Variants in FOCAD observed in about 807,000 individuals in gnomAD.
FOCAD encodes KIAA1797.
A neutral mutation model predicts 225.6 loss-of-function variants in FOCAD; 198 were observed. The observed-to-expected ratio is 0.88, with a 90% confidence interval of 0.78 to 0.99. FOCAD has a LOEUF of 0.99. Ranked by LOEUF, FOCAD falls within the 50% of genes least tolerant of loss-of-function variation. The probability of loss-of-function intolerance (pLI) is 0.00; values close to 1 mark genes in which losing one functional copy is unlikely to be tolerated. For missense variants in FOCAD, 2,713 were observed against 2,123.6 expected, an observed-to-expected ratio of 1.28 and a Z score of -5.46; for synonymous variants, 897 against 755.0, an observed-to-expected ratio of 1.19 and a Z score of -3.08.
At chr9:20,965,385 G>T (rs1839167068) in intron 35 of FOCAD, among the ~76,000 whole-genome samples, 1 of 152,112 alleles carries the variant, frequency 6.6e-6, no homozygotes, top group Non-Finnish European at 1.5e-5. Flanking sequence ...TTGTTTTTGG[G>T]AGTATCGAGA....
intron 15 of FOCAD, among the ~76,000 whole-genome samples, chr9:20,832,786 C>T (rs542864416): frequency 5.3e-5 from 8 of 151,928 alleles, no homozygotes; most frequent in Admixed American, 1.3e-4. Flanking sequence ...ATGACAGGAC[C>T]TCCATTTTTA....
At chr9:20,664,770 T>G (rs1821846715) in intron 2 of FOCAD, among the ~76,000 whole-genome samples, 1 of 151,996 alleles carries the variant, frequency 6.6e-6, no homozygotes, top group Admixed American at 6.6e-5. Context: ...TGAGCCATTG[T>G]GCCCGGCCCA....
At chr9:20,788,244 A>T (rs1405012952) in intron 10 of FOCAD, among the ~76,000 whole-genome samples, 2 of 152,206 alleles carry the variant, frequency 1.3e-5, no homozygotes, top group Non-Finnish European at 1.5e-5. Flanking sequence ...TTCCTATTAT[A>T]TGAAATGACC....
At chr9:20,685,863 G>C (rs1822634460) in intron 1 of FOCAD, among the ~76,000 whole-genome samples, 1 of 152,158 alleles carries the variant, frequency 6.6e-6, no homozygotes. Context: ...AGGAGGAGCT[G>C]GAGGAGGCGG....
At chr9:20,906,155 C>T (rs1267903811) in intron 21 of FOCAD, among the ~76,000 whole-genome samples, 1 of 151,908 alleles carries the variant, frequency 6.6e-6, no homozygotes, top group Non-Finnish European at 1.5e-5. Flanking sequence ...GATTAAAGAA[C>T]ATACTAGAGG....
intron 1 of FOCAD, among the ~76,000 whole-genome samples, chr9:20,704,255 G>A (rs1269658503): frequency 1.3e-5 from 2 of 152,136 alleles, no homozygotes; most frequent in Non-Finnish European, 2.9e-5. Flanking sequence ...TTTCGTGTAT[G>A]CACATTGACT....
chr9:20,835,275 A>T (rs537268040), intron 15 of FOCAD, among the ~76,000 whole-genome samples: 1 of 152,034 alleles, frequency 6.6e-6, no homozygotes, highest in Non-Finnish European at 1.5e-5. Flanking sequence ...ATAATCTTGT[A>T]ATGTAGGTGA....
At chr9:20,750,523 A>G (rs1386979997) in intron 5 of FOCAD, among the ~76,000 whole-genome samples, 1 of 152,186 alleles carries the variant, frequency 6.6e-6, no homozygotes, top group Non-Finnish European at 1.5e-5. Flanking sequence ...GAAAAACAAC[A>G]ACAAAAAATG....
At chr9:20,750,404 T>C (rs183877173) in intron 5 of FOCAD, among the ~76,000 whole-genome samples, 1 of 152,332 alleles carries the variant, frequency 6.6e-6, no homozygotes, top group Admixed American at 6.5e-5. Flanking sequence ...TTCTTCTATT[T>C]GCTAGATATT....
intron 1 of FOCAD, among the ~76,000 whole-genome samples, chr9:20,700,450 A>T (rs916103998): frequency 6.6e-6 from 1 of 151,822 alleles, no homozygotes; most frequent in African/African-American, 2.4e-5. Context: ...ATGAAATTTT[A>T]CTGGTGTAGA....
chr9:20,693,166 A>ACT (rs982063572), intron 1 of FOCAD, among the ~76,000 whole-genome samples: 10 of 151,122 alleles, frequency 6.6e-5, no homozygotes, highest in South Asian at 2.1e-4. Context: ...ATTTACAGCC[A>ACT]CTCTCTCTCT....
At chr9:20,825,538 G>A (rs529350324) in intron 15 of FOCAD, among the ~76,000 whole-genome samples, 2 of 151,934 alleles carry the variant, frequency 1.3e-5, no homozygotes, top group Non-Finnish European at 2.9e-5. Context: ...GCCTAATTTG[G>A]TAAAATAAAA....
intron 11 of FOCAD, among the ~76,000 whole-genome samples, chr9:20,807,623 A>T (rs186082872): frequency 3.3e-5 from 5 of 152,360 alleles, no homozygotes; most frequent in African/African-American, 1.2e-4. Context: ...CACCCACTGT[A>T]CATCTTGATT....
At chr9:20,950,971 T>G (rs1837631082) in intron 33 of FOCAD, 25 bp from the exon 34 acceptor site, 20 of 1,584,394 alleles carry the variant, frequency 1.3e-5, no homozygotes, top group Non-Finnish European at 1.6e-5. Flanking sequence ...ATCCCATCAT[T>G]GAACTGTTAC....
chr9:20,821,272 G>T (rs1404391708), intron 14 of FOCAD, among the ~76,000 whole-genome samples: 1 of 152,002 alleles, frequency 6.6e-6, no homozygotes, highest in Non-Finnish European at 1.5e-5. Flanking sequence ...TTCAGGACTA[G>T]TCTTGTATCT....
intron 15 of FOCAD, among the ~76,000 whole-genome samples, chr9:20,849,115 C>A (rs554508434): frequency 2.0e-5 from 3 of 151,938 alleles, no homozygotes; most frequent in South Asian, 2.1e-4. Flanking sequence ...AATGGCCAAG[C>A]CAATATACTT....
At chr9:20,719,017 A>T (rs1379981225) in intron 3 of FOCAD, among the ~76,000 whole-genome samples, 1 of 152,178 alleles carries the variant, frequency 6.6e-6, no homozygotes, top group Non-Finnish European at 1.5e-5. Flanking sequence ...TAATAGTGGG[A>T]TGCTAAGATA....
chr9:20,816,642 A>G (rs1245144984), intron 11 of FOCAD, among the ~76,000 whole-genome samples: 8 of 152,090 alleles, frequency 5.3e-5, no homozygotes, highest in Non-Finnish European at 4.4e-5. Flanking sequence ...TTTGAAATTG[A>G]ATTAAAATAG....
At chr9:20,762,651 T>C (rs1270917788) in intron 6 of FOCAD, among the ~76,000 whole-genome samples, 1 of 152,216 alleles carries the variant, frequency 6.6e-6, no homozygotes, top group East Asian at 1.9e-4. Flanking sequence ...TCAAGTGTTA[T>C]TTATTTTATT....
Sources: allele counts gnomAD v4.1 joint callset (sites outside exome capture counted in the v4.1 genomes callset), GRCh38; gene constraint gnomAD v4.1.1; transcripts MANE v1.5; gene names NCBI Gene and HGNC (gene_info 2026-07-23, HGNC 2026-07-21).